The following PMFBP1 variants were observed in gnomAD, a reference collection of about 807,000 sequenced individuals.
The protein encoded by PMFBP1 is polyamine-modulated factor 1-binding protein 1.
A neutral mutation model predicts 137.8 loss-of-function variants in PMFBP1; 131 were observed. That is an observed-to-expected ratio of 0.95 (90% CI 0.82 to 1.10). The LOEUF (loss-of-function observed/expected upper bound fraction) is 1.10, where lower values mean the gene tolerates loss of function less well. PMFBP1 is among the 50% of genes least tolerant of loss of function. The probability of loss-of-function intolerance (pLI) is 0.00; values close to 1 mark genes in which losing one functional copy is unlikely to be tolerated. For missense variants in PMFBP1, 1,199 were observed against 1,175.4 expected (o/e 1.02, Z -0.29); for synonymous variants, 490 against 450.4 (o/e 1.09, Z -1.11).
chr16:72,242,771 G>C, the PMFBP1 span, among the ~76,000 whole-genome samples: 9 of 152,224 alleles, frequency 5.9e-5, no homozygotes, highest in Admixed American at 5.9e-4. Flanking sequence ...CTATTATTGA[G>C]AAATACTTTA....
At chr16:72,207,282 C>T in the PMFBP1 span, among the ~76,000 whole-genome samples, 1 of 151,878 alleles carries the variant, frequency 6.6e-6, no homozygotes, top group African/African-American at 2.4e-5. Flanking sequence ...ATGGTGATGG[C>T]CTCAGAAATG....
In PMFBP1 at chr16:72,126,058, A is replaced by G; in HGVS notation, c.2163T>C (p.Tyr721=). ...LDKALQKEKH[Y]LQTTITKEAY... is the part of the protein sequence containing the mutation. ...CTTCTTTGGTGATGGTAGTCTGGAGATAGTGCTTCTCCTTCTGCAGAGCTT... is the reference window on the plus strand; with the variant it reads ...CTTCTTTGGTGATGGTAGTCTGGAGGTAGTGCTTCTCCTTCTGCAGAGCTT... The change falls in exon 15 of 21, where the codon TAT becomes TAC. Residue 721 remains tyrosine (Y), a synonymous_variant. Coordinates refer to ENST00000237353, the MANE Select transcript of PMFBP1 (RefSeq NM_031293.3). 1 of 1,614,114 alleles carries G rather than the reference A, an allele frequency of 6.2e-7. No homozygotes were observed. The highest frequency in any genetic ancestry group is 8.5e-7 in the Non-Finnish European group (1 of 1,180,016).
At chr16:72,190,339 G>A in the PMFBP1 span, among the ~76,000 whole-genome samples, 1 of 152,164 alleles carries the variant, frequency 6.6e-6, no homozygotes, top group African/African-American at 2.4e-5. Context: ...AATGAGTGTG[G>A]ACAGCCAGCT....
intron 4 of PMFBP1, among the ~76,000 whole-genome samples, chr16:72,153,381 C>G (rs1182659109): frequency 6.6e-6 from 1 of 152,218 alleles, no homozygotes; most frequent in Non-Finnish European, 1.5e-5. Flanking sequence ...CCAAAACACT[C>G]TTTGAAATTT....
chr16:72,201,258 A>G, the PMFBP1 span, among the ~76,000 whole-genome samples: 1 of 152,220 alleles, frequency 6.6e-6, no homozygotes, highest in Admixed American at 6.5e-5. Context: ...AAGGGTGATG[A>G]GATACTAATT....
At chr16:72,142,667 T>C (rs2042740826) in intron 5 of PMFBP1, among the ~76,000 whole-genome samples, 1 of 152,232 alleles carries the variant, frequency 6.6e-6, no homozygotes, top group Non-Finnish European at 1.5e-5. Flanking sequence ...CACAATTGTT[T>C]CTGAAAGAAT....
At chr16:72,198,255 G>A in the PMFBP1 span, among the ~76,000 whole-genome samples, 1 of 152,244 alleles carries the variant, frequency 6.6e-6, no homozygotes, top group Admixed American at 6.5e-5. Context: ...ACATCATAGA[G>A]TGAGGCCACT....
At chr16:72,171,863 T>G (rs1163928078) in intron 1 of PMFBP1, 191 bp downstream of exon 1, 11 of 152,250 alleles carry the variant, frequency 7.2e-5, no homozygotes, top group Non-Finnish European at 1.3e-4. Context: ...CTCATAAAGT[T>G]AGGAAACATG....
chr16:72,245,478 T>C, the PMFBP1 span, among the ~76,000 whole-genome samples: 1 of 152,206 alleles, frequency 6.6e-6, no homozygotes, highest in Non-Finnish European at 1.5e-5. Flanking sequence ...TAGTAAACCA[T>C]GAATTCCCCA....
the PMFBP1 span, among the ~76,000 whole-genome samples, chr16:72,243,316 C>T: frequency 4.6e-5 from 7 of 152,210 alleles, no homozygotes; most frequent in African/African-American, 1.7e-4. Context: ...AATGCAAATA[C>T]CCTTCTGCAC....
chr16:72,201,438 A>G, the PMFBP1 span, among the ~76,000 whole-genome samples: 3 of 152,320 alleles, frequency 2.0e-5, no homozygotes, highest in Middle Eastern at 3.4e-3. Context: ...CCCACATTAC[A>G]TCTTGTTTTC....
At position 72,130,230 on chromosome 16, in the gene PMFBP1, C is replaced by T. The variant is rs1472782129; in HGVS notation, c.1765G>A (p.Asp589Asn). 6.2e-7 allele frequency: 1 copy of T among 1,613,606 alleles called. No individual in the cohort carries two copies. The highest frequency in any genetic ancestry group is 2.2e-5 in the East Asian group (1 of 44,884). The change falls in exon 12 of 21, where the codon GAT (aspartate) becomes AAT (asparagine). Residue 589 changes from aspartate (D) to asparagine (N), a missense_variant. Coordinates refer to ENST00000237353, the MANE Select transcript of PMFBP1 (RefSeq NM_031293.3). ...EQDMKMNDML[D>N]RIKHQHREQG... ...CGTCATACCTGGTGCTTGATACGAT[C>T]AAGCATGTCATTCATTTTCATATCC... is the stretch of plus-strand genomic sequence containing the variant.
chr16:72,193,976 A>C, the PMFBP1 span, among the ~76,000 whole-genome samples: 2 of 147,972 alleles, frequency 1.4e-5, no homozygotes, highest in African/African-American at 4.9e-5. Flanking sequence ...GTAATTATCA[A>C]GGCTGCTTTT....
At chr16:72,180,894 A>G (rs2043273922), upstream of PMFBP1, among the ~76,000 whole-genome samples, 1 of 152,218 alleles carries the variant, frequency 6.6e-6, no homozygotes. Context: ...AATGAGTGGA[A>G]GAAATGAAAA....
chr16:72,165,423 T>C (rs1170571911), intron 2 of PMFBP1, among the ~76,000 whole-genome samples: 2 of 151,840 alleles, frequency 1.3e-5, no homozygotes, highest in African/African-American at 4.8e-5. Flanking sequence ...TCTTTCTTTT[T>C]TTTTTTTTTG....
the PMFBP1 span, among the ~76,000 whole-genome samples, chr16:72,232,320 C>T: frequency 3.3e-5 from 5 of 152,274 alleles, no homozygotes; most frequent in Non-Finnish European, 5.9e-5. Flanking sequence ...TATATGCAGG[C>T]TTCTTGCTGT....
the PMFBP1 span, among the ~76,000 whole-genome samples, chr16:72,216,164 T>G: frequency 8.5e-5 from 13 of 152,234 alleles, no homozygotes; most frequent in Middle Eastern, 6.8e-3. Context: ...TGTTGAGGGC[T>G]CTGAGGAAAC....
intron 20 of PMFBP1, 138 bp from the exon 21 acceptor site, chr16:72,119,492 T>C (rs2042344271): frequency 6.4e-7 from 1 of 1,552,918 alleles, no homozygotes; most frequent in African/African-American, 1.4e-5. Flanking sequence ...AGTTTACAGG[T>C]GGCAGGAAAG....
the PMFBP1 span, among the ~76,000 whole-genome samples, chr16:72,213,763 C>T: frequency 2.6e-5 from 4 of 152,050 alleles, no homozygotes; most frequent in African/African-American, 9.7e-5. Context: ...AAAAGTTGAG[C>T]GAAAACTGAT....
Sources: allele counts gnomAD v4.1 joint callset (sites outside exome capture counted in the v4.1 genomes callset), GRCh38; gene constraint gnomAD v4.1.1; transcripts MANE v1.5; gene names NCBI Gene and HGNC (gene_info 2026-07-23, HGNC 2026-07-21).